RANBP17: variants seen among roughly 807,000 people sequenced by gnomAD.
RANBP17 encodes the protein RAN binding protein 17.
RANBP17 carries 158 observed loss-of-function variants against 141.2 expected under a neutral mutation model. The observed-to-expected ratio is 1.12, with a 90% CI of 0.98 to 1.28. The LOEUF (loss-of-function observed/expected upper bound fraction) is 1.28. Among genes scored for constraint, RANBP17 ranks in the 50% most tolerant of loss-of-function variants. The pLI is 0.00. For missense variants in RANBP17, 1,438 were observed against 1,290.7 expected (o/e 1.11, Z -1.75); for synonymous variants, 430 against 450.0 (o/e 0.96, Z 0.56).
At position 170,903,882 on chromosome 5, in the gene RANBP17, G is replaced by A. The variant is rs755064648; in HGVS notation, c.490-5779G>A. On this transcript the variant is annotated intron_variant, in intron 5 of 27. Transcript: ENST00000523189. ...AAGATTTGAAGGGTCCCTTAATAAG[G>A]ACCATAATGAAATCAGCATGAATTT... The A allele has an allele frequency of 2.0e-4, 100 of 504,566 alleles. 1 individual carries two copies. Among genetic ancestry groups the A allele is most frequent in the Middle Eastern group, 1.4e-3 (2 of 1,440 alleles). 31.3% of individuals were successfully genotyped at this position (504,566 alleles called of 1,614,324 possible).
Position 171,192,143 on chromosome 5 carries a change from G to T in RANBP17, c.2039-7527G>T, listed in dbSNP as rs767998419. On this transcript the variant is annotated intron_variant, in intron 18 of 27. Transcript: ENST00000523189. ...GTTTAGCAAGTGAGGGGCTTGATCAGAAATAGCTGATAGATAGGAAGAATA... is the reference window on the plus strand; with the variant it reads ...GTTTAGCAAGTGAGGGGCTTGATCATAAATAGCTGATAGATAGGAAGAATA... 5.9e-5 allele frequency among the ~76,000 whole-genome samples: 9 copies of T among 152,184 alleles called. 1 individual carries two copies. The highest frequency in any genetic ancestry group is 1.3e-4 in the Non-Finnish European group (9 of 68,034).
intron 22 of RANBP17, among the ~76,000 whole-genome samples, chr5:171,229,365 A>C (rs1363754834): frequency 6.6e-6 from 1 of 152,052 alleles, no homozygotes; most frequent in East Asian, 1.9e-4. Flanking sequence ...TCATCCATGC[A>C]CCTAACATTT....
chr5:170,866,104 A>G (rs1417791295), intron 1 of RANBP17, among the ~76,000 whole-genome samples: 1 of 152,152 alleles, frequency 6.6e-6, no homozygotes, highest in Non-Finnish European at 1.5e-5. Flanking sequence ...CTTGTGACCC[A>G]AAGTCCTGAT....
chr5:170,876,464 G>A (rs1207769738), intron 1 of RANBP17, among the ~76,000 whole-genome samples: 2 of 152,158 alleles, frequency 1.3e-5, no homozygotes, highest in Non-Finnish European at 2.9e-5. Context: ...GCATTTTCCT[G>A]TTGTGAACAG....
chr5:171,212,087 G>T (rs1184321675), intron 20 of RANBP17, among the ~76,000 whole-genome samples: 1 of 152,148 alleles, frequency 6.6e-6, no homozygotes, highest in Non-Finnish European at 1.5e-5. Context: ...CCATACACAG[G>T]AGACACTCCT....
intron 14 of RANBP17, among the ~76,000 whole-genome samples, chr5:171,127,125 C>G (rs1158167459): frequency 6.6e-6 from 1 of 152,054 alleles, no homozygotes; most frequent in Admixed American, 6.5e-5. Context: ...GATAATAGAC[C>G]ATAATCAAGC....
chr5:171,255,593 T>A (rs1409711207), intron 24 of RANBP17, among the ~76,000 whole-genome samples: 1 of 152,222 alleles, frequency 6.6e-6, no homozygotes, highest in East Asian at 1.9e-4. Context: ...GTTTTACATT[T>A]ACTTTTTCTT....
intron 14 of RANBP17, among the ~76,000 whole-genome samples, chr5:171,114,031 A>G (rs1357943004): frequency 6.6e-6 from 1 of 152,082 alleles, no homozygotes; most frequent in Non-Finnish European, 1.5e-5. Context: ...AACATGCCAT[A>G]CATTTATTAT....
intron 5 of RANBP17, chr5:170,896,990 G>A: frequency 1.8e-6 from 2 of 1,083,544 alleles, no homozygotes; most frequent in Non-Finnish European, 2.7e-6. Context: ...TGCTGCTTCT[G>A]GGACCTGGCA....
At chr5:171,036,526 G>GTT (rs1287636830) in intron 14 of RANBP17, among the ~76,000 whole-genome samples, 1 of 152,164 alleles carries the variant, frequency 6.6e-6, no homozygotes, top group African/African-American at 2.4e-5. Flanking sequence ...TGATGCTGAG[G>GTT]TTTGGAGTAT....
intron 14 of RANBP17, among the ~76,000 whole-genome samples, chr5:171,145,082 C>A (rs1416832367): frequency 6.6e-6 from 1 of 152,162 alleles, no homozygotes; most frequent in Non-Finnish European, 1.5e-5. Flanking sequence ...TCAAAAAGTG[C>A]TTTAGCATAT....
At chr5:171,169,966 A>T (rs1759983252) in intron 14 of RANBP17, among the ~76,000 whole-genome samples, 164 bp from the exon 15 acceptor site, 1 of 152,152 alleles carries the variant, frequency 6.6e-6, no homozygotes, top group Non-Finnish European at 1.5e-5. Context: ...AGCAAATTTT[A>T]AAATTATAAG....
chr5:171,170,204 G>A lies in RANBP17; in HGVS notation c.1784+1G>A, dbSNP rs868777270. 2.6e-6 allele frequency: 4 copies of A among 1,538,124 alleles called. No homozygotes were observed. Among genetic ancestry groups the A allele is most frequent in the African/African-American group, 1.4e-5 (1 of 72,178 alleles). On this transcript the variant is annotated splice_donor_variant, in intron 15 of 27. Coordinates refer to ENST00000523189, the MANE Select transcript of RANBP17 (RefSeq NM_022897.5). LOFTEE classifies it high-confidence loss of function. ...TTCTAGAGACGTTCATGACAAAAATGTGAGTTCTTGTTTTGGTCTTTAATT... is the reference window on the plus strand; with the variant it reads ...TTCTAGAGACGTTCATGACAAAAATATGAGTTCTTGTTTTGGTCTTTAATT...
intron 25 of RANBP17, among the ~76,000 whole-genome samples, chr5:171,279,677 A>G (rs1376996451): frequency 6.6e-6 from 1 of 152,114 alleles, no homozygotes; most frequent in African/African-American, 2.4e-5. Flanking sequence ...GATTCTCACA[A>G]TAACCCTAAC....
intron 14 of RANBP17, among the ~76,000 whole-genome samples, chr5:171,139,285 T>G (rs1342560228): frequency 6.6e-6 from 1 of 152,082 alleles, no homozygotes; most frequent in Admixed American, 6.6e-5. Flanking sequence ...ATTAAAATAA[T>G]TTTATATAGT....
At chr5:171,285,590 C>G (rs1405499455) in intron 25 of RANBP17, among the ~76,000 whole-genome samples, 1 of 152,202 alleles carries the variant, frequency 6.6e-6, no homozygotes. Flanking sequence ...GAGTGGCAAA[C>G]CCTGCAGCCT....
At chr5:171,201,828 A>G (rs940294087) in intron 19 of RANBP17, among the ~76,000 whole-genome samples, 3 of 152,246 alleles carry the variant, frequency 2.0e-5, no homozygotes, top group Non-Finnish European at 4.4e-5. Context: ...CTATTTTTCT[A>G]TCACGATGAA....
chr5:171,269,983 C>A (rs1430315112), intron 25 of RANBP17, among the ~76,000 whole-genome samples: 1 of 152,134 alleles, frequency 6.6e-6, no homozygotes, highest in African/African-American at 2.4e-5. Flanking sequence ...GTTTTTCCCC[C>A]CAACCTGGTC....
At chr5:170,907,406 C>T (rs868774416) in intron 5 of RANBP17, among the ~76,000 whole-genome samples, 11 of 151,936 alleles carry the variant, frequency 7.2e-5, no homozygotes, top group Non-Finnish European at 1.0e-4. Context: ...GTTGTATTTT[C>T]GCTCTATTTT....
Sources: allele counts gnomAD v4.1 joint callset (sites outside exome capture counted in the v4.1 genomes callset), GRCh38; gene constraint gnomAD v4.1.1; transcripts MANE v1.5; gene names NCBI Gene and HGNC (gene_info 2026-07-23, HGNC 2026-07-21).